SNORC: variants seen among roughly 807,000 people sequenced by gnomAD.
The protein encoded by SNORC is protein SNORC.
Under a neutral mutation model 9.7 loss-of-function variants are expected in SNORC, and 11 were observed. The observed-to-expected ratio is 1.14, with a 90% CI of 0.72 to 1.88. The LOEUF (loss-of-function observed/expected upper bound fraction) is 1.88. Ranked by LOEUF, SNORC falls within the 40% of genes most tolerant of loss-of-function variation. The pLI is 0.00. For synonymous variants in SNORC, 108 were observed against 88.7 expected (o/e 1.22, Z -1.22); for missense variants, 197 against 173.1 (o/e 1.14, Z -0.77).
intron 1 of SNORC, 86 bp from the exon 2 acceptor site, chr2:232,875,854 G>A (rs1027738617): frequency 7.3e-6 from 10 of 1,378,858 alleles, no homozygotes; most frequent in Middle Eastern, 2.3e-4. Flanking sequence ...CAGCGCTACC[G>A]GCAACTTGCT....
intron 1 of SNORC, among the ~76,000 whole-genome samples, chr2:232,870,867 A>G (rs1369452961): frequency 2.0e-5 from 3 of 152,186 alleles, no homozygotes; most frequent in African/African-American, 7.2e-5. Flanking sequence ...GGACCCAGGT[A>G]CTGTCCCCAT....
downstream of SNORC, chr2:232,877,454 TTGGA>T (rs1026122892): frequency 1.4e-6 from 1 of 711,520 alleles, no homozygotes; most frequent in Non-Finnish European, 1.7e-6. Context: ...GAGGGAAGGG[TTGGA>T]CAGTTTGGAG....
upstream of SNORC, chr2:232,870,200 C>T (rs191633272): frequency 9.1e-3 from 6,719 of 734,490 alleles, 49 homozygotes; most frequent in Non-Finnish European, 0.013. Flanking sequence ...TGGGGAGGTG[C>T]GGGCACGATG....
rs1691219713 is a variant in SNORC at position 232,876,018 on chromosome 2, G to A, written c.152G>A (p.Ser51Asn). The change falls in exon 2 of 3, where the codon AGC becomes AAC. Residue 51 changes from serine to asparagine, a missense_variant. Physicochemically the swap from Ser to Asn is conservative, Grantham distance 46 (BLOSUM62 1). Transcript: ENST00000331342. This position sits in a 1 kb window ranked among gnomAD's most constrained non-coding sequence, Gnocchi z 6.8. ...CCGTCGGGAGAAGGCCCCGTGGAGA[G>A]CACCAGCCCCGGCCGGGAGCCCGTG... The A allele has an allele frequency of 1.3e-6, 2 of 1,549,634 alleles. No individual in the cohort carries two copies. Among genetic ancestry groups the A allele is most frequent in the East Asian group, 4.8e-5 (2 of 41,398 alleles).
intron 1 of SNORC, among the ~76,000 whole-genome samples, chr2:232,872,128 G>GGGGGGCTCTCAGC (rs141459131): frequency 6.6e-6 from 1 of 152,112 alleles, no homozygotes; most frequent in Non-Finnish European, 1.5e-5. Context: ...GAGAGCGTTT[G>GGGGGGCTCTCAGC]ACCCCACCCC....
intron 1 of SNORC, among the ~76,000 whole-genome samples, chr2:232,874,807 T>C (rs1168799197): frequency 2.0e-5 from 3 of 152,238 alleles, no homozygotes; most frequent in Non-Finnish European, 4.4e-5. Context: ...CTGCACTGTT[T>C]CTGGGCAGCA....
At chr2:232,873,840 G>T (rs1691118457) in intron 1 of SNORC, among the ~76,000 whole-genome samples, 1 of 152,228 alleles carries the variant, frequency 6.6e-6, no homozygotes, top group South Asian at 2.1e-4. Flanking sequence ...TCCTCTCAGG[G>T]TGGTCTTCAA....
chr2:232,876,367 G>A lies in SNORC; in HGVS notation c.*11G>A. On this transcript the variant is annotated 3_prime_UTR_variant, in exon 3 of 3. Transcript: ENST00000331342. The surrounding 1 kb of genome is among the most constrained non-coding windows in gnomAD (Gnocchi z 6.8). Reference sequence around the variant, plus strand: ...TTTTCTGCCTCCTGAAGCGAATAAAGGGGCCGCGCCCGGCCGCGGCGCGAC... The same window carrying A: ...TTTTCTGCCTCCTGAAGCGAATAAAAGGGCCGCGCCCGGCCGCGGCGCGAC... 2 of 1,524,038 alleles carry A rather than the reference G, an allele frequency of 1.3e-6. No individual in the cohort carries two copies. Among genetic ancestry groups the A allele is most frequent in the Non-Finnish European group, 1.8e-6 (2 of 1,140,270 alleles). 94.4% of individuals were successfully genotyped at this position (1,524,038 alleles called of 1,614,324 possible). A position where few individuals can be genotyped will look rare whatever the true frequency, so the allele number is the denominator to read the frequency against.
upstream of SNORC, chr2:232,869,967 T>C (rs1690959028): frequency 2.9e-6 from 1 of 341,954 alleles, no homozygotes; most frequent in African/African-American, 2.2e-5. Flanking sequence ...ATGTTTCAAG[T>C]TCCCTGGGTG....
At chr2:232,876,929 C>A, downstream of SNORC, 6 of 985,360 alleles carry the variant, frequency 6.1e-6, no homozygotes, top group Non-Finnish European at 6.0e-6. This position sits in a 1 kb window ranked among gnomAD's most constrained non-coding sequence, Gnocchi z 6.8. Context: ...AGGAGGTAAG[C>A]GCTAGGGCAG....
Position 232,875,954 on chromosome 2 carries a change from G to T in SNORC, c.88G>T (p.Glu30Ter). The change falls in exon 2 of 3, where the codon GAG (glutamate) becomes TAG (stop). Residue 30 changes from glutamate (E) to a stop codon, truncating the protein, a stop_gained. Transcript: ENST00000331342. LOFTEE classifies it high-confidence loss of function. The stretch of plus-strand genomic sequence containing the variant: ...TGGCTTTGCAGACGATGTTCCACAG[G>T]AGCCCGTGCCCACGCTGTGGAACGA... The T allele has an allele frequency of 2.6e-6, 4 of 1,553,480 alleles. No individual in the cohort carries two copies. The highest frequency in any genetic ancestry group is 3.5e-6 in the Non-Finnish European group (4 of 1,151,022).
upstream of SNORC, among the ~76,000 whole-genome samples, chr2:232,867,256 CCT>C (rs761615800): frequency 6.6e-6 from 1 of 152,204 alleles, no homozygotes; most frequent in African/African-American, 2.4e-5. Flanking sequence ...CTTCCATAAT[CCT>C]CAGTATTTCC....
chr2:232,873,692 C>G lies in SNORC; in HGVS notation c.74-2248C>G, dbSNP rs549523617. On this transcript the variant is annotated intron_variant, in intron 1 of 2. Coordinates refer to ENST00000331342, the Ensembl canonical transcript of SNORC. ...TGGTGCCTGCCAGGCGGTGGGCGCACTCAGGCCTTTTACCTGCCCAGCCCC... is the reference window on the plus strand; with the variant it reads ...TGGTGCCTGCCAGGCGGTGGGCGCAGTCAGGCCTTTTACCTGCCCAGCCCC... 1.3e-5 allele frequency among the ~76,000 whole-genome samples: 2 copies of G among 152,334 alleles called. 1 individual carries two copies. The highest frequency in any genetic ancestry group is 1.3e-4 in the Admixed American group (2 of 15,298).
downstream of SNORC, chr2:232,876,896 G>A (rs1273257111): frequency 3.0e-6 from 3 of 985,356 alleles, no homozygotes; most frequent in Non-Finnish European, 3.6e-6. The surrounding 1 kb of genome is among the most constrained non-coding windows in gnomAD (Gnocchi z 6.8). Flanking sequence ...ATCCCGCTCC[G>A]CTGGGGTTCA....
At chr2:232,871,537 G>A (rs940804206) in intron 1 of SNORC, among the ~76,000 whole-genome samples, 3 of 152,184 alleles carry the variant, frequency 2.0e-5, no homozygotes, top group African/African-American at 4.8e-5. Context: ...CAGTTAGCGC[G>A]AATGTGGATT....
chr2:232,870,592 A>G (rs554699189), intron 1 of SNORC, among the ~76,000 whole-genome samples, 178 bp downstream of exon 1: 1 of 152,278 alleles, frequency 6.6e-6, no homozygotes, highest in East Asian at 1.9e-4. Context: ...GCTGTGTGGG[A>G]TGGACGTCTC....
chr2:232,868,585 A>G (rs1356420746), upstream of SNORC, among the ~76,000 whole-genome samples: 1 of 152,220 alleles, frequency 6.6e-6, no homozygotes, highest in Admixed American at 6.5e-5. Flanking sequence ...TGCATCTCGC[A>G]GTGTCTTGGT....
downstream of SNORC, chr2:232,876,572 G>A: frequency 8.6e-7 from 1 of 1,159,498 alleles, no homozygotes; most frequent in Non-Finnish European, 1.1e-6. This position sits in a 1 kb window ranked among gnomAD's most constrained non-coding sequence, Gnocchi z 6.8. Flanking sequence ...GGGGCGCCGG[G>A]GCGTGCGTGA....
At chr2:232,872,124 G>A (rs986709406) in intron 1 of SNORC, among the ~76,000 whole-genome samples, 5 of 134,222 alleles carry the variant, frequency 3.7e-5, no homozygotes, top group African/African-American at 6.3e-5. Flanking sequence ...TTGCGAGAGC[G>A]TTTGACCCCA....
Sources: allele counts gnomAD v4.1 joint callset (sites outside exome capture counted in the v4.1 genomes callset), GRCh38; gene constraint gnomAD v4.1.1; non-coding constraint Gnocchi (gnomAD v3.1); transcripts MANE v1.5; gene names NCBI Gene and HGNC (gene_info 2026-07-23, HGNC 2026-07-21).